RSU1: variants seen among roughly 807,000 people sequenced by gnomAD.
RSU1 encodes the protein rsu-1.
A neutral mutation model predicts 31.1 loss-of-function variants in RSU1; 26 were observed. The observed-to-expected ratio is 0.84, with a 90% CI of 0.61 to 1.16. The LOEUF is 1.16. Among genes scored for constraint, RSU1 ranks in the 50% most tolerant of loss-of-function variants. The pLI, the probability that RSU1 is intolerant of heterozygous loss-of-function variation, is 0.00. For synonymous variants in RSU1, 164 were observed against 136.3 expected (o/e 1.20, Z -1.41); for missense variants, 320 against 339.1 (o/e 0.94, Z 0.44).
chr10:16,612,782 T>C (rs189560210), intron 8 of RSU1, among the ~76,000 whole-genome samples: 2 of 152,348 alleles, frequency 1.3e-5, no homozygotes, highest in East Asian at 3.9e-4. Flanking sequence ...CCAGATTAGA[T>C]TCTGCTAAGA....
intron 8 of RSU1, among the ~76,000 whole-genome samples, chr10:16,691,006 A>G (rs1835538398): frequency 6.6e-6 from 1 of 152,146 alleles, no homozygotes; most frequent in Non-Finnish European, 1.5e-5. Context: ...AACAACAGAG[A>G]CAAAGAAGTG....
At chr10:16,603,405 G>A (rs1360341506) in intron 8 of RSU1, among the ~76,000 whole-genome samples, 1 of 152,196 alleles carries the variant, frequency 6.6e-6, no homozygotes, top group South Asian at 2.1e-4. Flanking sequence ...TCATCATCCT[G>A]TCTACTCTAA....
intron 7 of RSU1, among the ~76,000 whole-genome samples, chr10:16,711,460 T>A (rs1021251332): frequency 2.0e-5 from 3 of 152,218 alleles, no homozygotes; most frequent in Non-Finnish European, 4.4e-5. Context: ...TTTTTCTAGT[T>A]CCTTGTGGTA....
intron 8 of RSU1, among the ~76,000 whole-genome samples, chr10:16,605,946 A>T (rs150544862): frequency 6.6e-6 from 1 of 151,772 alleles, no homozygotes; most frequent in Non-Finnish European, 1.5e-5. Context: ...GCACAAGCAC[A>T]TGCCACCATG....
At chr10:16,769,761 G>A (rs141830088) in intron 3 of RSU1, among the ~76,000 whole-genome samples, 9 of 152,288 alleles carry the variant, frequency 5.9e-5, no homozygotes, top group East Asian at 1.9e-4. Flanking sequence ...GCGATAATGC[G>A]ATGAGTATAA....
intron 8 of RSU1, among the ~76,000 whole-genome samples, chr10:16,661,708 T>C (rs753388646): frequency 9.9e-5 from 15 of 152,214 alleles, no homozygotes; most frequent in Non-Finnish European, 1.5e-4. Flanking sequence ...CCTTTGAATG[T>C]GCTAGCTTTG....
intron 2 of RSU1, among the ~76,000 whole-genome samples, chr10:16,814,047 G>T (rs986360956): frequency 1.3e-5 from 2 of 152,172 alleles, no homozygotes; most frequent in Admixed American, 6.5e-5. Context: ...AACTTGAGAT[G>T]CAAGAAACAG....
chr10:16,761,011 A>C (rs1170525340), intron 4 of RSU1, among the ~76,000 whole-genome samples: 2 of 152,108 alleles, frequency 1.3e-5, no homozygotes, highest in Non-Finnish European at 2.9e-5. Context: ...GTGCGATCTC[A>C]GTTCACTGAA....
intron 8 of RSU1, among the ~76,000 whole-genome samples, chr10:16,682,575 C>CACACACACAG (rs1408089127): frequency 1.1e-4 from 3 of 28,162 alleles, no homozygotes; most frequent in African/African-American, 2.2e-4. Context: ...CACACACATG[C>CACACACACAG]ATGCATGTTA....
intron 2 of RSU1, among the ~76,000 whole-genome samples, chr10:16,792,993 A>T (rs1837957649): frequency 6.6e-6 from 1 of 152,200 alleles, no homozygotes; most frequent in South Asian, 2.1e-4. Context: ...TGGTAGTAGG[A>T]CACAGATTCT....
chr10:16,814,451 GA>G (rs369214166), intron 2 of RSU1, among the ~76,000 whole-genome samples: 5 of 121,166 alleles, frequency 4.1e-5, no homozygotes, highest in East Asian at 2.4e-4. Context: ...CTGTTTTCAG[GA>G]AAAAAAAAAA....
At chr10:16,681,085 A>G (rs2131548607) in intron 8 of RSU1, among the ~76,000 whole-genome samples, 1 of 152,298 alleles carries the variant, frequency 6.6e-6, no homozygotes, top group South Asian at 2.1e-4. Flanking sequence ...AAACAAAGAG[A>G]AAAGGTTGAC....
At chr10:16,736,641 A>G (rs1438505372) in intron 7 of RSU1, among the ~76,000 whole-genome samples, 1 of 152,112 alleles carries the variant, frequency 6.6e-6, no homozygotes, top group African/African-American at 2.4e-5. Context: ...AAACCAAAAA[A>G]CAAAAAAACC....
intron 2 of RSU1, among the ~76,000 whole-genome samples, chr10:16,786,746 C>A (rs1258397065): frequency 6.6e-6 from 1 of 152,140 alleles, no homozygotes; most frequent in Middle Eastern, 3.2e-3. Context: ...TCTCCTCTAA[C>A]GACGAGAACT....
chr10:16,741,103 A>G (rs1412701014), intron 7 of RSU1, among the ~76,000 whole-genome samples: 1 of 152,236 alleles, frequency 6.6e-6, no homozygotes, highest in Admixed American at 6.5e-5. Flanking sequence ...GTACTCGCAT[A>G]AGGATAGACA....
chr10:16,759,552 G>A (rs111237471), intron 4 of RSU1, among the ~76,000 whole-genome samples: 7 of 152,112 alleles, frequency 4.6e-5, no homozygotes, highest in Admixed American at 1.3e-4. Context: ...TATCCAACAA[G>A]GGACTTAATA....
intron 2 of RSU1, among the ~76,000 whole-genome samples, chr10:16,803,541 G>A (rs1348008437): frequency 6.6e-6 from 1 of 152,140 alleles, no homozygotes; most frequent in Admixed American, 6.5e-5. Context: ...CAATATTGAA[G>A]AAAATACAGT....
intron 8 of RSU1, among the ~76,000 whole-genome samples, chr10:16,621,253 C>A (rs991319646): frequency 1.3e-5 from 2 of 152,078 alleles, no homozygotes; most frequent in African/African-American, 4.8e-5. Flanking sequence ...GAACATGCCA[C>A]CCTGCACAGG....
rs559680949 is a variant in RSU1, at chr10:16,673,849, G to A, written c.731+21174C>T. 3.9e-5 allele frequency among the ~76,000 whole-genome samples: 6 copies of A among 152,256 alleles called. No homozygotes were observed. In the South Asian group the frequency reaches 6.2e-4, roughly 16 times the overall value. ...TAAGTACTTTTTCTGACTTGCCAAC[G>A]TAACCCGCACATATTTTAAGGGCTG... On this transcript the variant is annotated intron_variant, in intron 8 of 8. Coordinates refer to ENST00000345264, the MANE Select transcript of RSU1 (RefSeq NM_012425.4).
Sources: gnomAD v4.1 joint callset for allele counts (sites outside exome capture counted in the v4.1 genomes callset) on GRCh38, gnomAD v4.1.1 for gene constraint, MANE v1.5 for transcripts, NCBI Gene and HGNC (gene_info 2026-07-23, HGNC 2026-07-21) for gene names.